NDRG1: variants seen among roughly 807,000 people sequenced by gnomAD.
The protein encoded by NDRG1 is N-myc downstream regulated 1, also known as protein NDRG1.
A neutral mutation model predicts 56.9 loss-of-function variants in NDRG1; 32 were observed. The observed-to-expected ratio is 0.56, with a 90% CI of 0.42 to 0.76. NDRG1 has a LOEUF of 0.76. Ranked by LOEUF, NDRG1 falls within the 30% of genes least tolerant of loss-of-function variation. The pLI is 0.00. For missense variants in NDRG1, 507 were observed against 545.7 expected (o/e 0.93, Z 0.71); for synonymous variants, 211 against 204.1 (o/e 1.03, Z -0.29).
chr8:133,295,010 A>C (rs1858664371), intron 1 of NDRG1, among the ~76,000 whole-genome samples: 2 of 152,166 alleles, frequency 1.3e-5, no homozygotes, highest in Non-Finnish European at 2.9e-5. Context: ...TTCCATCTGT[A>C]AAATGGAAAG....
chr8:133,259,114 G>A, intron 6 of NDRG1, 54 bp downstream of exon 6: 1 of 1,576,574 alleles, frequency 6.3e-7, no homozygotes, highest in Non-Finnish European at 8.7e-7. Flanking sequence ...GCAGGAAGAT[G>A]CTAGAAACCA....
chr8:133,246,993 T>A (rs58544572), intron 12 of NDRG1, among the ~76,000 whole-genome samples: 5,725 of 152,324 alleles, frequency 0.038, 330 homozygotes, highest in African/African-American at 0.13. Context: ...TAAATAAATA[T>A]CCTTGTTTAA....
chr8:133,283,261 C>G (rs1001017969), intron 2 of NDRG1, among the ~76,000 whole-genome samples: 1 of 152,244 alleles, frequency 6.6e-6, no homozygotes, highest in African/African-American at 2.4e-5. Context: ...GAGAAGCAGG[C>G]ATGCAGGATG....
intron 9 of NDRG1, among the ~76,000 whole-genome samples, chr8:133,251,313 A>C (rs780117204): frequency 9.9e-5 from 15 of 152,174 alleles, no homozygotes; most frequent in Non-Finnish European, 1.8e-4. Flanking sequence ...GAGAAGTTGG[A>C]GTTGGGGGTC....
chr8:133,272,432 A>T (rs1857241145), intron 3 of NDRG1, among the ~76,000 whole-genome samples: 1 of 152,174 alleles, frequency 6.6e-6, no homozygotes, highest in African/African-American at 2.4e-5. Flanking sequence ...CCACTGTTTC[A>T]CAGATTAGGA....
chr8:133,268,221 A>T (rs369921199), intron 3 of NDRG1, among the ~76,000 whole-genome samples: 1 of 152,094 alleles, frequency 6.6e-6, no homozygotes, highest in Non-Finnish European at 1.5e-5. Context: ...TACACCCTAG[A>T]AAGGAACTTT....
rs1858839464 is a variant in NDRG1, at chr8:133,297,242, A to T, written c.-127T>A. On this transcript the variant is annotated 5_prime_UTR_variant, in exon 1 of 16. Coordinates refer to ENST00000323851, the MANE Select transcript of NDRG1 (RefSeq NM_006096.4). ...CGAGCTTCAGCACCAGCTGGGAGCC[A>T]GGCGAGGTTTGTTTACGTCCGGGCG... 1 of 152,228 alleles carries T rather than the reference A, an allele frequency of 6.6e-6. No individual in the cohort carries two copies. Among genetic ancestry groups the T allele is most frequent in the South Asian group, 2.1e-4 (1 of 4,834 alleles). 9.4% of individuals were successfully genotyped at this position (152,228 alleles called of 1,614,324 possible).
chr8:133,272,853 C>G (rs1586467596), intron 3 of NDRG1, among the ~76,000 whole-genome samples: 1 of 152,252 alleles, frequency 6.6e-6, no homozygotes, highest in African/African-American at 2.4e-5. Context: ...TGAGTTCTGC[C>G]CACCTTCAGT....
At chr8:133,280,665 A>C (rs1586482826) in intron 2 of NDRG1, among the ~76,000 whole-genome samples, 1 of 152,086 alleles carries the variant, frequency 6.6e-6, no homozygotes, top group African/African-American at 2.4e-5. Flanking sequence ...CGATTTCCTG[A>C]CCTCATGATC....
At chr8:133,241,969 T>C (rs1467647835) in intron 15 of NDRG1, 54 bp downstream of exon 15, 5 of 1,604,026 alleles carry the variant, frequency 3.1e-6, no homozygotes, top group Non-Finnish European at 3.4e-6. Context: ...GACAGAGCAC[T>C]TCCAATTCCG....
At chr8:133,261,803 G>C (rs754064345) in intron 5 of NDRG1, among the ~76,000 whole-genome samples, 2 of 152,206 alleles carry the variant, frequency 1.3e-5, no homozygotes, top group Non-Finnish European at 2.9e-5. Context: ...CCTGGAGATG[G>C]ATGGTGGTGA....
chr8:133,288,961 C>T (rs917836961), intron 1 of NDRG1, among the ~76,000 whole-genome samples: 1 of 152,220 alleles, frequency 6.6e-6, no homozygotes, highest in Admixed American at 6.5e-5. Context: ...TCCGAGAAGA[C>T]CAATGCCAGA....
At chr8:133,295,474 G>A (rs1858695971) in intron 1 of NDRG1, among the ~76,000 whole-genome samples, 1 of 152,186 alleles carries the variant, frequency 6.6e-6, no homozygotes, top group Non-Finnish European at 1.5e-5. Flanking sequence ...CCAGCCTGGG[G>A]CTGGCTCTGC....
At chr8:133,296,708 C>G (rs1858793239) in intron 1 of NDRG1, 1 of 294,248 alleles carries the variant, frequency 3.4e-6, no homozygotes, top group Admixed American at 4.1e-5. Flanking sequence ...CACACACACA[C>G]ACACACACAC....
chr8:133,251,304 A>G (rs1391420829), intron 9 of NDRG1, among the ~76,000 whole-genome samples: 1 of 152,218 alleles, frequency 6.6e-6, no homozygotes, highest in Non-Finnish European at 1.5e-5. Context: ...CAACCAGATG[A>G]GAAGTTGGAG....
At chr8:133,246,342 G>A (rs1231922619) in intron 13 of NDRG1, among the ~76,000 whole-genome samples, 4 of 152,176 alleles carry the variant, frequency 2.6e-5, no homozygotes, top group Admixed American at 2.0e-4. Flanking sequence ...CCTATGGAGG[G>A]CCCTTGCCAA....
intron 3 of NDRG1, among the ~76,000 whole-genome samples, chr8:133,265,995 G>C (rs922447298): frequency 5.3e-5 from 8 of 152,260 alleles, no homozygotes; most frequent in Non-Finnish European, 1.2e-4. Context: ...GGGCAGTTGG[G>C]GAGCAGGAGG....
intron 3 of NDRG1, among the ~76,000 whole-genome samples, chr8:133,266,716 TC>T (rs1436557529): frequency 2.0e-5 from 3 of 152,182 alleles, no homozygotes; most frequent in Non-Finnish European, 4.4e-5. Context: ...TGAGAAACAT[TC>T]ATTAGGCACC....
chr8:133,244,269 T>C (rs1224610748), intron 14 of NDRG1, 86 bp downstream of exon 14: 5 of 1,484,168 alleles, frequency 3.4e-6, no homozygotes, highest in African/African-American at 1.4e-5. Context: ...AGCAAGGTAA[T>C]GAGGGAACAG....
Sources: allele counts gnomAD v4.1 joint callset (sites outside exome capture counted in the v4.1 genomes callset), GRCh38; gene constraint gnomAD v4.1.1; transcripts MANE v1.5; gene names NCBI Gene and HGNC (gene_info 2026-07-23, HGNC 2026-07-21).